The following RNLS variants were observed in gnomAD, a reference collection of about 807,000 sequenced individuals.
RNLS encodes renalase.
Under a neutral mutation model 39.8 loss-of-function variants are expected in RNLS, and 39 were observed. That is an observed-to-expected ratio of 0.98 (90% CI 0.76 to 1.28). The LOEUF is 1.28. Ranked by LOEUF, RNLS falls within the 50% of genes most tolerant of loss-of-function variation. The pLI is 0.00. For synonymous variants in RNLS, 147 were observed against 150.7 expected (o/e 0.98, Z 0.18); for missense variants, 410 against 413.3 (o/e 0.99, Z 0.07).
At chr10:88,567,852 A>G (rs940566850) in intron 4 of RNLS, among the ~76,000 whole-genome samples, 4 of 152,234 alleles carry the variant, frequency 2.6e-5, no homozygotes, top group African/African-American at 9.6e-5. Context: ...TCTATAAAAC[A>G]TATTTATTAC....
At position 88,285,032 on chromosome 10, in the gene RNLS, C is replaced by T. The variant is rs1048956; in HGVS notation, c.*322G>A. 609,458 of 996,600 alleles carry T rather than the reference C, an allele frequency of 0.61. 188,368 individuals carry two copies. Among genetic ancestry groups the T allele is most frequent in the Non-Finnish European group, 0.63 (524,816 of 837,054 alleles). 61.7% of individuals were successfully genotyped at this position (996,600 alleles called of 1,614,324 possible). A position where few individuals can be genotyped will look rare whatever the true frequency, so the allele number is the denominator to read the frequency against. ...CATAAGGATAATCAAGTTTTTGGCA[C>T]ACAAACTGTTATTGTGATTTAATGT... On this transcript the variant is annotated 3_prime_UTR_variant, in exon 7 of 7. Transcript: ENST00000331772.
chr10:88,313,454 T>A lies in RNLS; in HGVS notation c.876+1012A>T, dbSNP rs75981800. ...ATGCTTTTAAAAGGAAAAAGTAAAG[T>A]CTTCTAAAGTGACCATGACATGCTT... On this transcript the variant is annotated intron_variant, in intron 6 of 6. Coordinates refer to ENST00000331772, the MANE Select transcript of RNLS (RefSeq NM_001031709.3). 3.1e-3 allele frequency among the ~76,000 whole-genome samples: 471 copies of A among 152,326 alleles called. 1 individual carries two copies. Among genetic ancestry groups the A allele is most frequent in the Non-Finnish European group, 4.1e-3 (280 of 68,028 alleles).
the RNLS span, among the ~76,000 whole-genome samples, chr10:88,260,373 C>T: frequency 1.3e-5 from 2 of 152,212 alleles, no homozygotes; most frequent in Non-Finnish European, 2.9e-5. Flanking sequence ...ACAATAGTGT[C>T]AAGGGCTTTA....
intron 4 of RNLS, among the ~76,000 whole-genome samples, chr10:88,455,039 A>G (rs1842550938): frequency 6.6e-6 from 1 of 152,218 alleles, no homozygotes; most frequent in Non-Finnish European, 1.5e-5. Flanking sequence ...AAAATAAACA[A>G]CATATGTTCT....
At chr10:88,341,849 G>T (rs1847980944) in intron 5 of RNLS, among the ~76,000 whole-genome samples, 1 of 151,892 alleles carries the variant, frequency 6.6e-6, no homozygotes, top group Non-Finnish European at 1.5e-5. Flanking sequence ...TAATCTGTGA[G>T]GTTTATAGTA....
intron 4 of RNLS, among the ~76,000 whole-genome samples, chr10:88,395,720 A>G (rs1852519591): frequency 6.6e-6 from 1 of 152,126 alleles, no homozygotes; most frequent in Non-Finnish European, 1.5e-5. Flanking sequence ...ATAAAAAATC[A>G]TGAATCTACA....
intron 4 of RNLS, among the ~76,000 whole-genome samples, chr10:88,473,274 G>A (rs1248242351): frequency 6.6e-6 from 1 of 152,076 alleles, no homozygotes; most frequent in Non-Finnish European, 1.5e-5. Flanking sequence ...TATCTCAAAC[G>A]GTGAAAATAG....
At chr10:88,227,527 C>G in the RNLS span, among the ~76,000 whole-genome samples, 1 of 152,110 alleles carries the variant, frequency 6.6e-6, no homozygotes, top group African/African-American at 2.4e-5. Context: ...AAGTTCACCA[C>G]GAGTGCACTC....
In RNLS at chr10:88,473,680, T is replaced by C. The variant is rs1353335419; in HGVS notation, c.526+99223A>G. Among the ~76,000 whole-genome samples, 7 of 152,118 alleles carry C rather than the reference T, an allele frequency of 4.6e-5. No homozygotes were observed. In the East Asian group the frequency reaches 9.6e-4, roughly 21 times the overall value. On this transcript the variant is annotated intron_variant, in intron 4 of 6. Transcript: ENST00000331772. ...AGAAGACGTCTTTAAATATAGAAAGTAGAAAATCTTATTTAAATTTGGGCA... is the reference window on the plus strand; with the variant it reads ...AGAAGACGTCTTTAAATATAGAAAGCAGAAAATCTTATTTAAATTTGGGCA...
intron 4 of RNLS, among the ~76,000 whole-genome samples, chr10:88,447,791 T>C (rs560325879): frequency 6.6e-5 from 10 of 152,286 alleles, no homozygotes; most frequent in South Asian, 2.1e-4. Context: ...AACAGCAGGG[T>C]ACTGGTACCA....
chr10:88,313,856 A>AT (rs1845558079), intron 6 of RNLS, among the ~76,000 whole-genome samples: 2 of 152,172 alleles, frequency 1.3e-5, no homozygotes, highest in African/African-American at 2.4e-5. Flanking sequence ...ATATGCAGAA[A>AT]TTTTCAGAAA....
At position 88,416,061 on chromosome 10, in the gene RNLS, C is replaced by A. The variant is rs1854005446; in HGVS notation, c.527-53336G>T. ...CCCCTACTTCCATTCTTGTTTCTGT[C>A]CTAATGAGTAGGGCACATTAAAAAA... On this transcript the variant is annotated intron_variant, in intron 4 of 6. Transcript: ENST00000331772. Among the ~76,000 whole-genome samples, 3 of 152,004 alleles carry A rather than the reference C, an allele frequency of 2.0e-5. No individual in the cohort carries two copies. The South Asian group carries it at 6.2e-4, about 32-fold the overall frequency.
the RNLS span, among the ~76,000 whole-genome samples, chr10:88,174,074 A>G: frequency 6.6e-6 from 1 of 152,012 alleles, no homozygotes; most frequent in Non-Finnish European, 1.5e-5. Context: ...TATTAGAAGC[A>G]TTACCAATTT....
At chr10:88,204,545 C>T in the RNLS span, among the ~76,000 whole-genome samples, 1 of 152,100 alleles carries the variant, frequency 6.6e-6, no homozygotes, top group South Asian at 2.1e-4. Context: ...TTCCAATGAA[C>T]TACATAATAA....
chr10:88,399,418 T>C (rs965012612), intron 4 of RNLS, among the ~76,000 whole-genome samples: 2 of 152,018 alleles, frequency 1.3e-5, no homozygotes, highest in African/African-American at 4.8e-5. Flanking sequence ...GATAAACAAT[T>C]ACGGTATATC....
At chr10:88,460,265 T>C (rs928204503) in intron 4 of RNLS, among the ~76,000 whole-genome samples, 1 of 152,198 alleles carries the variant, frequency 6.6e-6, no homozygotes, top group Admixed American at 6.6e-5. Context: ...TTCTAACTTC[T>C]GTTTTCTTGC....
chr10:88,222,140 G>T, the RNLS span, among the ~76,000 whole-genome samples: 1 of 152,178 alleles, frequency 6.6e-6, no homozygotes, highest in African/African-American at 2.4e-5. Flanking sequence ...ACTGAAAACT[G>T]TGGCAGGAAT....
intron 4 of RNLS, among the ~76,000 whole-genome samples, chr10:88,485,817 A>G (rs1564839287): frequency 6.6e-6 from 1 of 152,058 alleles, no homozygotes; most frequent in Non-Finnish European, 1.5e-5. Flanking sequence ...TAATTTTTAA[A>G]TCAGTACGCA....
At chr10:88,505,086 A>C (rs2134126185) in intron 4 of RNLS, among the ~76,000 whole-genome samples, 1 of 151,982 alleles carries the variant, frequency 6.6e-6, no homozygotes, top group South Asian at 2.1e-4. Context: ...AACCCCAAAA[A>C]CCCAGATATT....
Sources: allele counts gnomAD v4.1 joint callset (sites outside exome capture counted in the v4.1 genomes callset), GRCh38; gene constraint gnomAD v4.1.1; transcripts MANE v1.5; gene names NCBI Gene and HGNC (gene_info 2026-07-23, HGNC 2026-07-21).